The following CDH20 variants were observed in gnomAD, a reference collection of about 807,000 sequenced individuals.
CDH20 encodes the protein cadherin 20.
A neutral mutation model predicts 74.2 loss-of-function variants in CDH20; 29 were observed. The observed-to-expected ratio is 0.39, with a 90% confidence interval of 0.29 to 0.53. The LOEUF (loss-of-function observed/expected upper bound fraction) is 0.53, where lower values mean the gene tolerates loss of function less well. Ranked by LOEUF, CDH20 falls within the 20% of genes least tolerant of loss-of-function variation. The pLI is 0.69. For synonymous variants in CDH20, 469 were observed against 405.4 expected (o/e 1.16, Z -1.88); for missense variants, 988 against 1,048.3 (o/e 0.94, Z 0.79).
At chr18:61,359,989 A>ATTT (rs1568109840) in intron 1 of CDH20, among the ~76,000 whole-genome samples, 2 of 152,160 alleles carry the variant, frequency 1.3e-5, no homozygotes, top group Admixed American at 6.5e-5. Context: ...CCTAAAGGAA[A>ATTT]AGTTGCCGTC....
At chr18:61,366,896 C>T (rs575190752) in intron 1 of CDH20, among the ~76,000 whole-genome samples, 1 of 152,120 alleles carries the variant, frequency 6.6e-6, no homozygotes, top group East Asian at 1.9e-4. Flanking sequence ...CCTTGAAAAA[C>T]TGTGGGATTA....
intron 1 of CDH20, among the ~76,000 whole-genome samples, chr18:61,375,026 A>G (rs554232758): frequency 2.0e-5 from 3 of 152,278 alleles, no homozygotes; most frequent in Non-Finnish European, 4.4e-5. Flanking sequence ...GAATTTACTA[A>G]AAAGTATTTA....
chr18:61,456,486 T>A (rs537261084), intron 1 of CDH20, among the ~76,000 whole-genome samples: 1 of 152,330 alleles, frequency 6.6e-6, no homozygotes, highest in Admixed American at 6.5e-5. Context: ...GCTGCTTTTA[T>A]GTTTAAAAAT....
intron 1 of CDH20, among the ~76,000 whole-genome samples, chr18:61,418,865 T>C (rs1169801112): frequency 6.6e-6 from 1 of 152,204 alleles, no homozygotes; most frequent in East Asian, 1.9e-4. Flanking sequence ...TTTATCTCTT[T>C]ATGCACATAG....
intron 1 of CDH20, among the ~76,000 whole-genome samples, chr18:61,470,616 A>AG (rs564348196): frequency 2.6e-5 from 4 of 152,094 alleles, no homozygotes; most frequent in Non-Finnish European, 5.9e-5. Context: ...GAAAAAAAAA[A>AG]GAGAATGAAA....
intron 1 of CDH20, among the ~76,000 whole-genome samples, chr18:61,397,343 G>A (rs1181989805): frequency 1.3e-5 from 2 of 151,982 alleles, no homozygotes; most frequent in East Asian, 3.9e-4. Context: ...CATTTTTCCT[G>A]GAGTCCTCCT....
At chr18:61,505,917 C>T (rs991712017) in intron 5 of CDH20, among the ~76,000 whole-genome samples, 2 of 152,254 alleles carry the variant, frequency 1.3e-5, no homozygotes, top group Admixed American at 6.5e-5. Context: ...CTTGATATTC[C>T]ATAAACCTAT....
chr18:61,470,991 T>G (rs1910154581), intron 1 of CDH20, among the ~76,000 whole-genome samples: 1 of 152,126 alleles, frequency 6.6e-6, no homozygotes, highest in Admixed American at 6.6e-5. Context: ...AAGTGTAATT[T>G]TTCTGAAACA....
intron 1 of CDH20, among the ~76,000 whole-genome samples, chr18:61,339,883 G>T (rs1365876856): frequency 1.3e-5 from 2 of 151,550 alleles, no homozygotes; most frequent in African/African-American, 2.4e-5. Context: ...GTAGAGACAG[G>T]GTTTCACCGT....
At chr18:61,496,054 C>A (rs866459745) in intron 2 of CDH20, among the ~76,000 whole-genome samples, 20 of 24,306 alleles carry the variant, frequency 8.2e-4, no homozygotes, top group African/African-American at 3.3e-3. Flanking sequence ...TTCCTCTCCC[C>A]CCTCTCTCCT....
rs960704232 is a variant in CDH20, at chr18:61,525,344, T to C, written c.1018-2623T>C. On this transcript the variant is annotated intron_variant, in intron 6 of 11. Transcript: ENST00000262717. ...AATTAAAGGGAAAACAAGTTTTGCC[T>C]AGCTCAAACCTAACACAAACAACGG... 9.8e-5 allele frequency among the ~76,000 whole-genome samples: 15 copies of C among 152,336 alleles called. 2 individuals carry two copies. The highest frequency in any genetic ancestry group is 7.2e-4 in the Admixed American group (11 of 15,298).
intron 5 of CDH20, among the ~76,000 whole-genome samples, chr18:61,504,570 T>C (rs1463234329): frequency 6.6e-6 from 1 of 152,036 alleles, no homozygotes; most frequent in Non-Finnish European, 1.5e-5. Context: ...TATAGAGCTA[T>C]GAACGTGGAA....
chr18:61,347,335 C>T (rs920418106), intron 1 of CDH20, among the ~76,000 whole-genome samples: 92 of 139,240 alleles, frequency 6.6e-4, no homozygotes, highest in African/African-American at 2.6e-3. Context: ...CACACACACA[C>T]ACACACACAC....
chr18:61,526,462 A>C (rs1360431281), intron 6 of CDH20, among the ~76,000 whole-genome samples: 1 of 152,160 alleles, frequency 6.6e-6, no homozygotes, highest in African/African-American at 2.4e-5. Context: ...TTTATGAAAA[A>C]AGTGATGTTT....
At chr18:61,494,957 T>A (rs1911080988) in intron 2 of CDH20, among the ~76,000 whole-genome samples, 1 of 152,182 alleles carries the variant, frequency 6.6e-6, no homozygotes, top group South Asian at 2.1e-4. Context: ...AAATCCTCAA[T>A]CAGCTAAGAT....
chr18:61,528,225 T>C lies in CDH20; in HGVS notation c.1271+5T>C. The C allele has an allele frequency of 6.2e-7, 1 of 1,613,462 alleles. No individual in the cohort carries two copies. Among genetic ancestry groups the C allele is most frequent in the Non-Finnish European group, 8.5e-7 (1 of 1,179,474 alleles). On this transcript the variant is annotated splice_donor_5th_base_variant and intron_variant, in intron 7 of 11. Transcript: ENST00000262717. ...TGTGACCAACAACTCAATCAGGTTT[T>C]TCCACAGATTTCACCTTTTCCTTAT...
intron 1 of CDH20, among the ~76,000 whole-genome samples, chr18:61,396,053 T>TGTGTGTGTG (rs1568123818): frequency 0.08 from 11,344 of 142,686 alleles, 427 homozygotes; most frequent in Non-Finnish European, 0.1. Flanking sequence ...GTGTGTGTGT[T>TGTGTGTGTG]TGTGTGTGTG....
intron 1 of CDH20, among the ~76,000 whole-genome samples, chr18:61,403,550 T>C (rs982283201): frequency 2.6e-5 from 4 of 152,282 alleles, no homozygotes; most frequent in African/African-American, 9.6e-5. Context: ...TACCTCAAGG[T>C]GTTACCAAGT....
chr18:61,343,226 G>A (rs1360376222), intron 1 of CDH20, among the ~76,000 whole-genome samples: 2 of 152,104 alleles, frequency 1.3e-5, no homozygotes, highest in Non-Finnish European at 2.9e-5. Context: ...CTCTGCTCTG[G>A]GCTTCTAGCT....
Sources: gnomAD v4.1 joint callset for allele counts (sites outside exome capture counted in the v4.1 genomes callset) on GRCh38, gnomAD v4.1.1 for gene constraint, MANE v1.5 for transcripts, NCBI Gene and HGNC (gene_info 2026-07-23, HGNC 2026-07-21) for gene names.